The following KIF16B variants were observed in gnomAD, a reference collection of about 807,000 sequenced individuals.
The protein encoded by KIF16B is kinesin family member 16B.
A neutral mutation model predicts 156.3 loss-of-function variants in KIF16B; 98 were observed. That is an observed-to-expected ratio of 0.63 (90% CI 0.53 to 0.74). KIF16B has a LOEUF of 0.74. Ranked by LOEUF, KIF16B falls within the 30% of genes least tolerant of loss-of-function variation. The probability of loss-of-function intolerance (pLI) is 0.00; values close to 1 mark genes in which losing one functional copy is unlikely to be tolerated. For synonymous variants in KIF16B, 564 were observed against 583.7 expected, an observed-to-expected ratio of 0.97 and a Z score of 0.49; for missense variants, 1,421 against 1,606.5, an observed-to-expected ratio of 0.88 and a Z score of 1.97.
intron 12 of KIF16B, among the ~76,000 whole-genome samples, chr20:16,435,746 G>A (rs1262915152): frequency 6.6e-6 from 1 of 151,988 alleles, no homozygotes; most frequent in Non-Finnish European, 1.5e-5. Flanking sequence ...TGTTCAATGG[G>A]CCTAACAAGC....
intron 3 of KIF16B, among the ~76,000 whole-genome samples, chr20:16,524,930 A>G (rs1022683988): frequency 5.9e-5 from 9 of 152,214 alleles, no homozygotes; most frequent in African/African-American, 2.2e-4. Flanking sequence ...ACAGGAACAG[A>G]AAACCAAACA....
At chr20:16,530,091 A>G (rs966905098) in intron 1 of KIF16B, among the ~76,000 whole-genome samples, 5 of 152,204 alleles carry the variant, frequency 3.3e-5, no homozygotes, top group African/African-American at 1.2e-4. Flanking sequence ...ATTATAGCCT[A>G]TAAATAACAT....
In KIF16B at chr20:16,463,130, C is replaced by T. The variant is rs955850670; in HGVS notation, c.1302+31161G>A. Among the ~76,000 whole-genome samples, 10 of 152,294 alleles carry T rather than the reference C, an allele frequency of 6.6e-5. No homozygotes were observed. In the East Asian group the frequency reaches 7.7e-4, roughly 12 times the overall value. Reference sequence around the variant, plus strand: ...CTCATCTATAAAACCAACCGCATCTCGCTGTGAACCTAAAAGACCTGCTCA... The same window carrying T: ...CTCATCTATAAAACCAACCGCATCTTGCTGTGAACCTAAAAGACCTGCTCA... On this transcript the variant is annotated intron_variant, in intron 12 of 25. Coordinates refer to ENST00000354981, the MANE Select transcript of KIF16B (RefSeq NM_024704.5).
At chr20:16,282,999 G>A (rs761323589) in intron 25 of KIF16B, among the ~76,000 whole-genome samples, 8 of 152,274 alleles carry the variant, frequency 5.3e-5, no homozygotes, top group African/African-American at 1.7e-4. Flanking sequence ...ACCATAAAAC[G>A]TCATTGGAAC....
intron 23 of KIF16B, among the ~76,000 whole-genome samples, chr20:16,350,650 C>T (rs2064319893): frequency 6.6e-6 from 1 of 151,270 alleles, no homozygotes. Flanking sequence ...CCACCAGCCA[C>T]ATCACGAGGA....
rs138619892 is a variant in KIF16B, at chr20:16,379,980, C to T, written c.2022G>A (p.Ala674=). The change falls in exon 19 of 26, where the codon GCG becomes GCA. Residue 674 remains alanine, a synonymous_variant. Transcript: ENST00000354981. ...TCTCCTCTTCAAATTTTTCCTTCTCCGCAAGTAAATCCTTTAGCTTGTTCT... is the reference window on the plus strand; with the variant it reads ...TCTCCTCTTCAAATTTTTCCTTCTCTGCAAGTAAATCCTTTAGCTTGTTCT... ...HIENKLKDLL[A]EKEKFEEERL... 2.8e-5 allele frequency: 45 copies of T among 1,612,530 alleles called. No homozygotes were observed. Among genetic ancestry groups the T allele is most frequent in the Non-Finnish European group, 3.1e-5 (37 of 1,179,702 alleles).
intron 3 of KIF16B, among the ~76,000 whole-genome samples, chr20:16,521,284 C>A (rs776458360): frequency 2.0e-5 from 3 of 151,824 alleles, no homozygotes; most frequent in Non-Finnish European, 2.9e-5. Context: ...AAGGGTTAGA[C>A]GAATTGCTAA....
chr20:16,495,150 T>A (rs1436427744), intron 11 of KIF16B, among the ~76,000 whole-genome samples: 2 of 151,928 alleles, frequency 1.3e-5, no homozygotes, highest in Non-Finnish European at 2.9e-5. Flanking sequence ...TATAGGAGAG[T>A]AGCTTCAGAA....
intron 25 of KIF16B, among the ~76,000 whole-genome samples, chr20:16,298,824 G>A (rs780078160): frequency 4.6e-5 from 7 of 151,964 alleles, no homozygotes; most frequent in African/African-American, 7.3e-5. Flanking sequence ...ACAATGCCAC[G>A]GAGTTGCACT....
At chr20:16,364,474 CAG>C (rs1372248182) in intron 22 of KIF16B, among the ~76,000 whole-genome samples, 1 of 152,160 alleles carries the variant, frequency 6.6e-6, no homozygotes, top group Non-Finnish European at 1.5e-5. Context: ...GCTGAATACT[CAG>C]ACTCTCATAG....
At chr20:16,573,187 G>C (rs776424787) in intron 1 of KIF16B, 42 bp downstream of exon 1, 9 of 1,527,718 alleles carry the variant, frequency 5.9e-6, no homozygotes, top group African/African-American at 2.7e-5. Flanking sequence ...TCCTCTGGGT[G>C]GGGGCGCGAC....
intron 12 of KIF16B, among the ~76,000 whole-genome samples, chr20:16,492,063 C>T (rs180952782): frequency 2.6e-5 from 4 of 152,256 alleles, no homozygotes; most frequent in African/African-American, 9.6e-5. Context: ...GGATATATGC[C>T]AATAAACCAA....
intron 17 of KIF16B, among the ~76,000 whole-genome samples, chr20:16,382,469 T>C (rs1343577791): frequency 2.0e-5 from 3 of 152,164 alleles, no homozygotes; most frequent in Non-Finnish European, 2.9e-5. Flanking sequence ...TGCATGTAGG[T>C]TCATCAAGTT....
intron 19 of KIF16B, among the ~76,000 whole-genome samples, chr20:16,378,207 A>C (rs1308617971): frequency 1.3e-5 from 2 of 152,262 alleles, no homozygotes; most frequent in Middle Eastern, 3.4e-3. Context: ...ATGTGAAATC[A>C]TTAGTAAGAA....
At chr20:16,401,834 A>G (rs1463029443) in intron 17 of KIF16B, among the ~76,000 whole-genome samples, 1 of 152,082 alleles carries the variant, frequency 6.6e-6, no homozygotes, top group Non-Finnish European at 1.5e-5. Flanking sequence ...ATTACCTTTC[A>G]CTTGGATTAA....
chr20:16,528,773 G>A (rs1257425022), intron 1 of KIF16B, among the ~76,000 whole-genome samples: 1 of 151,938 alleles, frequency 6.6e-6, no homozygotes, highest in Non-Finnish European at 1.5e-5. Context: ...CCCTCACCTT[G>A]TTACAAAGAG....
intron 24 of KIF16B, among the ~76,000 whole-genome samples, chr20:16,313,295 T>C (rs1477065461): frequency 1.3e-5 from 2 of 152,200 alleles, no homozygotes; most frequent in African/African-American, 4.8e-5. Flanking sequence ...TCTCCCACAA[T>C]GTAGGGCACA....
intron 24 of KIF16B, among the ~76,000 whole-genome samples, chr20:16,329,714 G>C (rs1057117947): frequency 5.9e-5 from 9 of 152,142 alleles, no homozygotes; most frequent in Admixed American, 1.3e-4. Flanking sequence ...CTATTATCTT[G>C]CATAATACAT....
At chr20:16,428,241 A>T (rs2066409386) in intron 14 of KIF16B, among the ~76,000 whole-genome samples, 1 of 152,124 alleles carries the variant, frequency 6.6e-6, no homozygotes, top group Non-Finnish European at 1.5e-5. Flanking sequence ...ACATGTAGGA[A>T]CATACTAGGA....
Sources: allele counts gnomAD v4.1 joint callset (sites outside exome capture counted in the v4.1 genomes callset), GRCh38; gene constraint gnomAD v4.1.1; transcripts MANE v1.5; gene names NCBI Gene and HGNC (gene_info 2026-07-23, HGNC 2026-07-21).